The following CROCC variants were observed in gnomAD, a reference collection of about 807,000 sequenced individuals.
CROCC encodes ciliary rootlet coiled-coil, rootletin, also known as rootletin.
CROCC carries 180 observed loss-of-function variants against 245.2 expected under a neutral mutation model. The observed-to-expected ratio is 0.73, with a 90% confidence interval of 0.65 to 0.83. CROCC has a LOEUF of 0.83. Among genes scored for constraint, CROCC ranks in the 40% least tolerant of loss-of-function variants. The probability of loss-of-function intolerance (pLI) is 0.00; values close to 1 mark genes in which losing one functional copy is unlikely to be tolerated. For missense variants in CROCC, 2,688 were observed against 2,779.4 expected, an observed-to-expected ratio of 0.97 and a Z score of 0.74; for synonymous variants, 1,205 against 1,241.6, an observed-to-expected ratio of 0.97 and a Z score of 0.62.
rs767665006 is a variant in CROCC at position 16,955,369 on chromosome 1, C to T, written c.3523C>T (p.Arg1175Trp). Reference sequence around the variant, plus strand: ...GGAGGATGCCCGTGACGGGCTGCGGCGGGAGCTGCTGGAGGCCCAGCGCAA... The same window carrying T: ...GGAGGATGCCCGTGACGGGCTGCGGTGGGAGCTGCTGGAGGCCCAGCGCAA... ...LLEDARDGLR[R>W]ELLEAQRKLR... The change falls in exon 24 of 37, where the codon CGG (arginine) becomes TGG (tryptophan). Residue 1175 changes from arginine to tryptophan, a missense_variant. Physicochemically the swap from Arg to Trp is moderately radical, Grantham distance 101 (BLOSUM62 -3). Coordinates refer to ENST00000375541, the MANE Select transcript of CROCC (RefSeq NM_014675.5). 14 of 1,607,088 alleles carry T rather than the reference C, an allele frequency of 8.7e-6. No individual in the cohort carries two copies. Among genetic ancestry groups the T allele is most frequent in the East Asian group, 6.7e-5 (3 of 44,850 alleles).
intron 27 of CROCC, among the ~76,000 whole-genome samples, chr1:16,962,320 C>T (rs771015859): frequency 2.3e-4 from 34 of 150,150 alleles, no homozygotes; most frequent in Non-Finnish European, 4.3e-4. Context: ...CAGAGGTGGG[C>T]GGATCACGAG....
rs1212837104 is a variant in CROCC, at chr1:16,961,094, G to C, written c.4369G>C (p.Val1457Leu). 7.3e-7 allele frequency: 1 copy of C among 1,364,522 alleles called. No homozygotes were observed. Among genetic ancestry groups the C allele is most frequent in the Non-Finnish European group, 9.4e-7 (1 of 1,062,144 alleles). The allele number at this position is 1,364,522 out of a possible 1,614,324, so 84.5% of individuals were successfully genotyped here. ...CGCGCCCAGCCCAGCCCCGCGGCCA[G>C]TGCCCGGTTCCCCTGCCCGGGACGC... Reference protein sequence around the residue: ...GRAPSPAPRPVPGSPARDAPA... With the variant: ...GRAPSPAPRPLPGSPARDAPA... The change falls in exon 27 of 37, where the codon GTG becomes CTG. Residue 1457 changes from valine to leucine, a missense_variant. Physicochemically the swap from Val to Leu is conservative, Grantham distance 32 (BLOSUM62 1). Coordinates refer to ENST00000375541, the MANE Select transcript of CROCC (RefSeq NM_014675.5).
intron 1 of CROCC, among the ~76,000 whole-genome samples, chr1:16,914,382 G>A (rs1186026408): frequency 1.3e-5 from 2 of 152,260 alleles, no homozygotes; most frequent in African/African-American, 4.8e-5. Flanking sequence ...ACAGGAGACT[G>A]GGGCCTGCAG....
At chr1:16,922,497 G>A (rs1250469174) in intron 1 of CROCC, among the ~76,000 whole-genome samples, 166 bp from the exon 2 acceptor site, 3 of 152,284 alleles carry the variant, frequency 2.0e-5, no homozygotes, top group Non-Finnish European at 2.9e-5. Flanking sequence ...CACACAAGAG[G>A]CTCTTTGCAT....
chr1:16,947,810 A>T (rs2076083200), intron 17 of CROCC, among the ~76,000 whole-genome samples: 1 of 151,956 alleles, frequency 6.6e-6, no homozygotes, highest in Admixed American at 6.6e-5. Flanking sequence ...GAGGGCCCTC[A>T]TTTTTTTTGT....
chr1:16,965,059 G>A (rs1422080336), intron 27 of CROCC, among the ~76,000 whole-genome samples: 1 of 151,346 alleles, frequency 6.6e-6, no homozygotes, highest in Non-Finnish European at 1.5e-5. Context: ...CAAGTGATCC[G>A]CCTGCCTCGG....
At chr1:16,969,377 G>A (rs1355382470) in intron 32 of CROCC, 37 bp downstream of exon 32, 1 of 1,573,850 alleles carries the variant, frequency 6.4e-7, no homozygotes, top group Middle Eastern at 2.3e-4. Flanking sequence ...TGGGCCCAGT[G>A]AGAGAGTCAG....
intron 26 of CROCC, 136 bp downstream of exon 26, chr1:16,958,886 C>T (rs2076287719): frequency 2.0e-6 from 2 of 1,022,820 alleles, no homozygotes; most frequent in South Asian, 1.7e-5. Flanking sequence ...AGACTCTTCC[C>T]CAGTTGTAGT....
At position 16,971,610 on chromosome 1, in the gene CROCC, G is replaced by C; in HGVS notation, c.5930G>C (p.Arg1977Pro). ...GAGCGCACCCTGGAGGCTCGGGAGC[G>C]GGCCCACCGCCAGAGGGTGCGTGGG... ...QTERTLEARE[R>P]AHRQRVRGLE... The change falls in exon 36 of 37, where the codon CGG becomes CCG. Residue 1977 changes from arginine (R) to proline (P), a missense_variant. By Grantham distance (103) the Arg-to-Pro change is moderately radical (BLOSUM62 -2). This residue lies in a region of CROCC where 1,218 missense variants were observed against 1,286.3 expected (regional missense o/e 0.95). Transcript: ENST00000375541. 6.6e-7 allele frequency: 1 copy of C among 1,518,450 alleles called. No homozygotes were observed. The highest frequency in any genetic ancestry group is 8.8e-7 in the Non-Finnish European group (1 of 1,132,974). The allele number at this position is 1,518,450 out of a possible 1,614,324, so 94.1% of individuals were successfully genotyped here.
chr1:16,963,799 T>G (rs1334191361), intron 27 of CROCC, among the ~76,000 whole-genome samples: 1 of 151,254 alleles, frequency 6.6e-6, no homozygotes, highest in Admixed American at 6.6e-5. Flanking sequence ...AATCACTTTG[T>G]TTTTGTTTTT....
chr1:16,944,431 T>G (rs1289877964), intron 14 of CROCC, 149 bp downstream of exon 14: 23 of 892,498 alleles, frequency 2.6e-5, no homozygotes, highest in Non-Finnish European at 2.0e-5. Context: ...ACCAGACCCA[T>G]TTCAGGAAAC....
At chr1:16,955,284 G>T in intron 23 of CROCC, 28 bp from the exon 24 acceptor site, 1 of 1,600,036 alleles carries the variant, frequency 6.2e-7, no homozygotes. Context: ...CCTGACCGCT[G>T]CCCTGGGGAC....
chr1:16,964,773 C>T (rs1349086172), intron 27 of CROCC, among the ~76,000 whole-genome samples: 1 of 152,216 alleles, frequency 6.6e-6, no homozygotes, highest in Non-Finnish European at 1.5e-5. Context: ...AGCTCCGCTT[C>T]CCGGGTTTAA....
Position 16,970,716 on chromosome 1 carries a change from G to A in CROCC, c.5733G>A (p.Thr1911=), listed in dbSNP as rs369125463. Residue 1911 remains threonine, a synonymous_variant, in exon 35 of 37, where the codon ACG becomes ACA. Transcript: ENST00000375541. Reference sequence around the variant, plus strand: ...AGGGCCGCCTGGACCGCACCCTCACGGGGGCTGAGCTGGAGCTGGCAGAGG... The same window carrying A: ...AGGGCCGCCTGGACCGCACCCTCACAGGGGCTGAGCTGGAGCTGGCAGAGG... ...AEKGRLDRTL[T]GAELELAEAQ... 8.7e-6 allele frequency: 14 copies of A among 1,605,606 alleles called. No individual in the cohort carries two copies. Among genetic ancestry groups the A allele is most frequent in the South Asian group, 4.4e-5 (4 of 90,004 alleles).
In CROCC at chr1:16,946,770, GA is replaced by G; in HGVS notation, c.2297del (p.Lys766SerfsTer25). Reference protein sequence around the residue: ...LNRLVAQLEEEKSALQGRQRQ... With the variant: ...LNRLVAQLEEXKSALQGRQRQ... Reference sequence around the variant, plus strand: ...CCTACCTGGCCTCCAGCTGGAGGAAGAAAAGTCCGCCCTGCAGGGCCGGCAA... The same window carrying G: ...CCTACCTGGCCTCCAGCTGGAGGAAGAAAGTCCGCCCTGCAGGGCCGGCAA... On this transcript the variant is annotated frameshift_variant, in exon 17 of 37. Coordinates refer to ENST00000375541, the MANE Select transcript of CROCC (RefSeq NM_014675.5). LOFTEE classifies it high-confidence loss of function. 1 of 1,551,490 alleles carries G rather than the reference GA, an allele frequency of 6.4e-7. No homozygotes were observed. Among genetic ancestry groups the G allele is most frequent in the Non-Finnish European group, 8.7e-7 (1 of 1,147,036 alleles).
chr1:16,928,348 G>A (rs2075582969), intron 3 of CROCC, among the ~76,000 whole-genome samples: 6 of 152,280 alleles, frequency 3.9e-5, no homozygotes, highest in Admixed American at 3.9e-4. Context: ...GGGGCCAGCA[G>A]GTGCCTTAAG....
chr1:16,961,233 T>C, intron 27 of CROCC, 103 bp downstream of exon 27: 1 of 1,166,024 alleles, frequency 8.6e-7, no homozygotes, highest in Non-Finnish European at 1.1e-6. Flanking sequence ...TTGTTTTTTT[T>C]CAAGGAGCCC....
At chr1:16,950,164 A>AGAG (rs2076135139) in intron 19 of CROCC, among the ~76,000 whole-genome samples, 1 of 150,286 alleles carries the variant, frequency 6.7e-6, no homozygotes, top group Non-Finnish European at 1.5e-5. Context: ...CCTGCATTCA[A>AGAG]GCGATTCTCC....
intron 1 of CROCC, among the ~76,000 whole-genome samples, chr1:16,914,432 C>G (rs1382448818): frequency 8.5e-5 from 13 of 152,252 alleles, no homozygotes; most frequent in African/African-American, 3.1e-4. Context: ...CCCCTCGCTC[C>G]GCGGGCGGCC....
Sources: allele counts gnomAD v4.1 joint callset (sites outside exome capture counted in the v4.1 genomes callset), GRCh38; gene constraint gnomAD v4.1.1; regional missense constraint gnomAD v4.1.1; transcripts MANE v1.5; gene names NCBI Gene and HGNC (gene_info 2026-07-23, HGNC 2026-07-21).